Variants in ARB2A observed in about 807,000 individuals in gnomAD.
ARB2A encodes the protein ARB2 cotranscriptional regulator A.
the ARB2A span, among the ~76,000 whole-genome samples, chr5:93,824,943 T>C: frequency 6.6e-6 from 1 of 152,240 alleles, no homozygotes; most frequent in African/African-American, 2.4e-5. Context: ...CCCCAAACTG[T>C]TGCCAGAACC....
the ARB2A span, among the ~76,000 whole-genome samples, chr5:93,953,553 G>A: frequency 6.6e-6 from 1 of 152,126 alleles, no homozygotes; most frequent in Non-Finnish European, 1.5e-5. Flanking sequence ...GGTGACACAA[G>A]TACCCTGTGG....
the ARB2A span, among the ~76,000 whole-genome samples, chr5:94,047,575 C>T: frequency 6.6e-6 from 1 of 151,732 alleles, no homozygotes. Flanking sequence ...AATGTGAAAG[C>T]AGGCATAGGA....
At chr5:93,658,309 C>G in the ARB2A span, among the ~76,000 whole-genome samples, 5 of 152,164 alleles carry the variant, frequency 3.3e-5, no homozygotes, top group Admixed American at 6.6e-5. Context: ...ATTTTTCCAT[C>G]TTTGGTCATA....
At chr5:93,888,052 AT>A in the ARB2A span, among the ~76,000 whole-genome samples, 1 of 151,816 alleles carries the variant, frequency 6.6e-6, no homozygotes, top group Non-Finnish European at 1.5e-5. Flanking sequence ...TCCAAGCACT[AT>A]TTATTTTAAA....
chr5:93,805,893 CT>C, the ARB2A span: 2 of 985,102 alleles, frequency 2.0e-6, no homozygotes, highest in African/African-American at 3.5e-5. Flanking sequence ...TTCCCAGCAT[CT>C]GAATTAGCTT....
At chr5:93,972,256 C>T in the ARB2A span, among the ~76,000 whole-genome samples, 4 of 152,072 alleles carry the variant, frequency 2.6e-5, no homozygotes, top group African/African-American at 4.8e-5. Context: ...CTGAAATACA[C>T]GACCAATCAA....
chr5:93,643,619 C>G, the ARB2A span, among the ~76,000 whole-genome samples: 3 of 152,106 alleles, frequency 2.0e-5, no homozygotes, highest in Admixed American at 2.0e-4. Context: ...CTCAGCATCC[C>G]GAGTAGCTGG....
chr5:94,027,746 A>G, the ARB2A span, among the ~76,000 whole-genome samples: 1 of 152,114 alleles, frequency 6.6e-6, no homozygotes, highest in African/African-American at 2.4e-5. Flanking sequence ...ACAGGCAAAC[A>G]TGTTTCCCTG....
the ARB2A span, among the ~76,000 whole-genome samples, chr5:93,770,300 C>T: frequency 3.3e-5 from 5 of 152,128 alleles, no homozygotes; most frequent in Middle Eastern, 3.4e-3. Flanking sequence ...ATTGATGGGA[C>T]GTATCTCAAA....
the ARB2A span, among the ~76,000 whole-genome samples, chr5:93,755,047 A>C: frequency 3.9e-5 from 6 of 152,192 alleles, no homozygotes; most frequent in African/African-American, 1.4e-4. Context: ...AATTAGAATA[A>C]TCAATAATAG....
At chr5:94,107,300 C>A in the ARB2A span, among the ~76,000 whole-genome samples, 2 of 125,494 alleles carry the variant, frequency 1.6e-5, no homozygotes, top group Non-Finnish European at 3.3e-5. Flanking sequence ...TCTCTAATTT[C>A]TCTGTAACTT....
chr5:93,638,300 C>G, the ARB2A span, among the ~76,000 whole-genome samples: 13 of 152,198 alleles, frequency 8.5e-5, no homozygotes, highest in South Asian at 2.7e-3. Context: ...GTGAGGGAGG[C>G]TTTGGGACTT....
chr5:94,088,301 T>A, the ARB2A span, among the ~76,000 whole-genome samples: 1 of 152,234 alleles, frequency 6.6e-6, no homozygotes, highest in Non-Finnish European at 1.5e-5. Context: ...TTACATCCGC[T>A]ATTACAAAAG....
At chr5:93,851,609 C>G in the ARB2A span, among the ~76,000 whole-genome samples, 1 of 152,296 alleles carries the variant, frequency 6.6e-6, no homozygotes, top group South Asian at 2.1e-4. Flanking sequence ...CCCGCTTCCG[C>G]CACCCCACAA....
At chr5:94,077,064 A>G in the ARB2A span, among the ~76,000 whole-genome samples, 1 of 152,140 alleles carries the variant, frequency 6.6e-6, no homozygotes, top group Non-Finnish European at 1.5e-5. Context: ...AATTTGCTGG[A>G]GTAATAACAT....
chr5:93,858,584 G>A, the ARB2A span, among the ~76,000 whole-genome samples: 5 of 152,200 alleles, frequency 3.3e-5, no homozygotes, highest in South Asian at 2.1e-4. Context: ...CCTGCCATTC[G>A]CCATCTTAAC....
chr5:93,858,210 A>AT, the ARB2A span, among the ~76,000 whole-genome samples: 1 of 152,226 alleles, frequency 6.6e-6, no homozygotes, highest in African/African-American at 2.4e-5. Flanking sequence ...CTCATTAGAG[A>AT]TTCAGAACCC....
At chr5:93,992,594 A>G in the ARB2A span, among the ~76,000 whole-genome samples, 1 of 152,084 alleles carries the variant, frequency 6.6e-6, no homozygotes, top group Non-Finnish European at 1.5e-5. Flanking sequence ...AATATACACC[A>G]GCGCTTTGCC....
At chr5:93,811,714 TA>T in the ARB2A span, among the ~76,000 whole-genome samples, 1 of 152,158 alleles carries the variant, frequency 6.6e-6, no homozygotes. Flanking sequence ...CAGTATCTCA[TA>T]AAAGTGTTAT....
Sources: gnomAD v4.1 joint callset for allele counts (sites outside exome capture counted in the v4.1 genomes callset) on GRCh38, gnomAD v4.1.1 for gene constraint, MANE v1.5 for transcripts, NCBI Gene and HGNC (gene_info 2026-07-23, HGNC 2026-07-21) for gene names.